Variants in EYS observed in about 807,000 individuals in gnomAD.
EYS encodes the protein EGF-like photoreceptor maintenance factor.
In EYS, 250 loss-of-function variants were observed where a neutral mutation model predicts 282.1. The observed-to-expected ratio is 0.89, with a 90% confidence interval of 0.80 to 0.98. The LOEUF (loss-of-function observed/expected upper bound fraction) is 0.98, where lower values mean the gene tolerates loss of function less well. Among genes scored for constraint, EYS ranks in the 50% least tolerant of loss-of-function variants. EYS has a pLI of 0.00. For missense variants in EYS, 4,016 were observed against 3,709.0 expected, an observed-to-expected ratio of 1.08 and a Z score of -2.15; for synonymous variants, 1,355 against 1,282.9, an observed-to-expected ratio of 1.06 and a Z score of -1.20.
intron 23 of EYS, among the ~76,000 whole-genome samples, chr6:64,619,620 G>A (rs368290366): frequency 1.3e-5 from 2 of 152,042 alleles, no homozygotes; most frequent in African/African-American, 2.4e-5. Context: ...TATTTGTCTC[G>A]TTCCAGGGTT....
At chr6:64,324,492 G>A (rs1196502434) in intron 29 of EYS, among the ~76,000 whole-genome samples, 1 of 152,090 alleles carries the variant, frequency 6.6e-6, no homozygotes, top group African/African-American at 2.4e-5. Context: ...CTCAGAATAT[G>A]AGCCATTTAT....
chr6:65,659,939 C>T lies in EYS; in HGVS notation c.-447-20047G>A, dbSNP rs904745024. ...GATAACAGCTCTTGGAAGTCCACCC[C>T]TAAGTATGGAGGGTGTTCATGAGTT... On this transcript the variant is annotated intron_variant, in intron 1 of 42. Transcript: ENST00000503581. Among the ~76,000 whole-genome samples the T allele has an allele frequency of 4.0e-5, 6 of 151,616 alleles. 1 individual carries two copies. The highest frequency in any genetic ancestry group is 1.5e-4 in the African/African-American group (6 of 41,362).
At chr6:63,977,532 A>G (rs367577185) in intron 35 of EYS, among the ~76,000 whole-genome samples, 20 of 152,036 alleles carry the variant, frequency 1.3e-4, no homozygotes, top group East Asian at 5.8e-4. Flanking sequence ...AGGGCCTCTT[A>G]AGCTTCATTA....
Position 64,943,382 on chromosome 6 carries a change from A to G in EYS, c.2381+2411T>C, listed in dbSNP as rs536802323. Among the ~76,000 whole-genome samples the G allele has an allele frequency of 4.8e-4, 73 of 152,192 alleles. 1 individual carries two copies. The highest frequency in any genetic ancestry group is 1.8e-3 in the African/African-American group (73 of 41,546). ...AAGAGAAATAAATAAAAGGTATCCA[A>G]AAAGGAACAAAATAAGTCAAACTAT... On this transcript the variant is annotated intron_variant, in intron 15 of 42. Transcript: ENST00000503581.
Position 65,159,703 on chromosome 6 carries a change from A to T in EYS, c.2024-101976T>A, listed in dbSNP as rs775630465. ...TAAGTCACTTAACAACTCTCCATCT[A>T]CTCTATACTCACTCATATTAAGTTT... On this transcript the variant is annotated intron_variant, in intron 12 of 42. Coordinates refer to ENST00000503581, the MANE Select transcript of EYS (RefSeq NM_001142800.2). Among the ~76,000 whole-genome samples the T allele has an allele frequency of 8.0e-5, 12 of 150,198 alleles. No individual in the cohort carries two copies. The South Asian group carries it at 1.3e-3, about 16-fold the overall frequency.
intron 26 of EYS, among the ~76,000 whole-genome samples, chr6:64,504,860 G>T (rs1433888614): frequency 6.6e-6 from 1 of 152,096 alleles, no homozygotes; most frequent in Non-Finnish European, 1.5e-5. Flanking sequence ...AGGGTAGGTC[G>T]TAAAAAACTT....
chr6:64,279,055 A>G (rs961978263), intron 30 of EYS, among the ~76,000 whole-genome samples: 1 of 152,198 alleles, frequency 6.6e-6, no homozygotes, highest in Non-Finnish European at 1.5e-5. Context: ...ACATGCTGCC[A>G]TCTTCCAACC....
At chr6:65,208,065 TATA>T (rs1766081128) in intron 12 of EYS, among the ~76,000 whole-genome samples, 1 of 151,494 alleles carries the variant, frequency 6.6e-6, no homozygotes, top group Admixed American at 6.6e-5. Context: ...ATTAATAAAG[TATA>T]TAGACCACCT....
At chr6:63,870,849 G>T (rs1772783317) in intron 35 of EYS, among the ~76,000 whole-genome samples, 1 of 152,162 alleles carries the variant, frequency 6.6e-6, no homozygotes, top group African/African-American at 2.4e-5. Context: ...GCCTAGAGAT[G>T]AAGTTAGGTG....
At chr6:64,321,136 G>A (rs554356134) in intron 29 of EYS, among the ~76,000 whole-genome samples, 19 of 151,644 alleles carry the variant, frequency 1.3e-4, no homozygotes, top group South Asian at 2.1e-4. Context: ...TTGGCTTAGC[G>A]TTTATGCTTC....
At chr6:64,184,617 AC>A (rs2150313326) in intron 31 of EYS, among the ~76,000 whole-genome samples, 1 of 140,106 alleles carries the variant, frequency 7.1e-6, no homozygotes, top group African/African-American at 2.5e-5. Context: ...TGGAAGGCTA[AC>A]ACTTGAAACT....
chr6:64,801,271 C>T (rs1168207455), intron 22 of EYS, among the ~76,000 whole-genome samples: 11 of 152,142 alleles, frequency 7.2e-5, no homozygotes, highest in Middle Eastern at 3.4e-3. Context: ...ATTGATTTAA[C>T]GAAGATACAC....
At chr6:64,478,623 A>C (rs1776347167) in intron 26 of EYS, among the ~76,000 whole-genome samples, 1 of 150,924 alleles carries the variant, frequency 6.6e-6, no homozygotes, top group Non-Finnish European at 1.5e-5. Flanking sequence ...TATAGTCTAC[A>C]CTGTGTCAGA....
intron 2 of EYS, among the ~76,000 whole-genome samples, chr6:65,603,100 C>T (rs1765667055): frequency 6.6e-6 from 1 of 151,868 alleles, no homozygotes; most frequent in Admixed American, 6.6e-5. Flanking sequence ...GTATTTAAGT[C>T]CCTTATCTAT....
rs1768054519 is a variant in EYS, at chr6:64,639,291, G to C, written c.3444-13046C>G. ...AGTCACAACCTTAAAGCAGGTCTTGGAAAATTACAAAATCAATTTTCAGAA... is the reference window on the plus strand; with the variant it reads ...AGTCACAACCTTAAAGCAGGTCTTGCAAAATTACAAAATCAATTTTCAGAA... On this transcript the variant is annotated intron_variant, in intron 22 of 42. Coordinates refer to ENST00000503581, the MANE Select transcript of EYS (RefSeq NM_001142800.2). Among the ~76,000 whole-genome samples, 2 of 90,718 alleles carry C rather than the reference G, an allele frequency of 2.2e-5. 1 individual carries two copies. The highest frequency in any genetic ancestry group is 4.7e-5 in the Non-Finnish European group (2 of 42,246). The allele number at this position is 90,718 out of a possible 152,430, so 59.5% of individuals were successfully genotyped here. A position where few individuals can be genotyped will look rare whatever the true frequency, so the allele number is the denominator to read the frequency against.
At chr6:64,987,551 C>T (rs1036078806) in intron 14 of EYS, among the ~76,000 whole-genome samples, 4 of 151,372 alleles carry the variant, frequency 2.6e-5, no homozygotes, top group Non-Finnish European at 5.9e-5. Context: ...TTTTGTGAGT[C>T]CTGTGGGCAG....
At chr6:65,148,902 G>A (rs527236278) in intron 12 of EYS, among the ~76,000 whole-genome samples, 19 of 152,222 alleles carry the variant, frequency 1.2e-4, no homozygotes, top group Non-Finnish European at 2.6e-4. Context: ...AATGGCCCAA[G>A]CTGTACCTTG....
intron 26 of EYS, among the ~76,000 whole-genome samples, chr6:64,463,116 A>T (rs1159097245): frequency 1.3e-5 from 2 of 151,384 alleles, no homozygotes; most frequent in Non-Finnish European, 1.5e-5. Context: ...CCGGCTATTT[A>T]TTTTTTGGAT....
At chr6:64,221,148 A>G (rs1214154147) in intron 31 of EYS, among the ~76,000 whole-genome samples, 2 of 152,166 alleles carry the variant, frequency 1.3e-5, no homozygotes, top group African/African-American at 4.8e-5. Flanking sequence ...ACAATGGTAA[A>G]TATTAGCTGT....
Sources: gnomAD v4.1 joint callset for allele counts (sites outside exome capture counted in the v4.1 genomes callset) on GRCh38, gnomAD v4.1.1 for gene constraint, MANE v1.5 for transcripts, NCBI Gene and HGNC (gene_info 2026-07-23, HGNC 2026-07-21) for gene names.